The following RARB variants were observed in gnomAD, a reference collection of about 807,000 sequenced individuals.
RARB encodes the protein retinoic acid receptor beta, also known as HBV-activated protein.
In RARB, 17 loss-of-function variants were observed where a neutral mutation model predicts 51.9. The observed-to-expected ratio is 0.33, with a 90% CI of 0.22 to 0.49. The LOEUF (loss-of-function observed/expected upper bound fraction) is 0.49. Among genes scored for constraint, RARB ranks in the 20% least tolerant of loss-of-function variants. RARB has a pLI of 0.99. For missense variants in RARB, 369 were observed against 550.8 expected (o/e 0.67, Z 3.30); for synonymous variants, 215 against 195.4 (o/e 1.10, Z -0.84).
intron 2 of RARB, among the ~76,000 whole-genome samples, chr3:25,483,990 T>G (rs933332162): frequency 6.6e-6 from 1 of 152,240 alleles, no homozygotes; most frequent in African/African-American, 2.4e-5. Context: ...GCAGATGGTA[T>G]GTTGGCAATT....
chr3:25,155,871 C>T (rs563963800), intron 4 of RARB, among the ~76,000 whole-genome samples: 146 of 152,324 alleles, frequency 9.6e-4, no homozygotes, highest in Middle Eastern at 3.4e-3. Flanking sequence ...CATTGGTTCC[C>T]AGCCTTTTTA....
At chr3:25,076,646 G>A (rs1402162090) in intron 3 of RARB, among the ~76,000 whole-genome samples, 1 of 152,130 alleles carries the variant, frequency 6.6e-6, no homozygotes, top group African/African-American at 2.4e-5. Flanking sequence ...TTCTGAGTAA[G>A]TCTTATGATT....
intron 3 of RARB, among the ~76,000 whole-genome samples, chr3:25,095,871 C>T (rs184532699): frequency 6.6e-6 from 1 of 152,258 alleles, no homozygotes; most frequent in Admixed American, 6.5e-5. Context: ...TTCTTAACTG[C>T]CACCTTTTGT....
At chr3:24,979,717 C>G (rs930609081) in intron 2 of RARB, among the ~76,000 whole-genome samples, 1 of 152,016 alleles carries the variant, frequency 6.6e-6, no homozygotes, top group African/African-American at 2.4e-5. Flanking sequence ...AGGGTCTTGA[C>G]TCTTTATCCA....
chr3:25,309,129 A>ATTTTT (rs1171133293), intron 5 of RARB, among the ~76,000 whole-genome samples: 1 of 93,008 alleles, frequency 1.1e-5, no homozygotes. Flanking sequence ...CTGTGCCTCC[A>ATTTTT]TTTTTTTTTT....
intron 5 of RARB, among the ~76,000 whole-genome samples, chr3:25,212,767 G>A (rs551948547): frequency 1.3e-5 from 2 of 151,876 alleles, no homozygotes; most frequent in Admixed American, 1.3e-4. Context: ...TTTTTTGTGA[G>A]TATGAAAAAA....
chr3:24,940,008 C>T (rs1258232184), intron 2 of RARB, among the ~76,000 whole-genome samples: 1 of 152,304 alleles, frequency 6.6e-6, no homozygotes, highest in East Asian at 1.9e-4. Context: ...TGTTCTCACT[C>T]ATTTAAGCAC....
chr3:24,842,388 A>G (rs1030073713), intron 1 of RARB, among the ~76,000 whole-genome samples: 3 of 152,036 alleles, frequency 2.0e-5, no homozygotes, highest in Non-Finnish European at 4.4e-5. Flanking sequence ...ATTATAGAGG[A>G]TTATCTTCTC....
At chr3:25,232,875 T>C (rs1007906122) in intron 5 of RARB, among the ~76,000 whole-genome samples, 10 of 152,134 alleles carry the variant, frequency 6.6e-5, no homozygotes, top group Non-Finnish European at 1.5e-4. Context: ...TTGTGTCCAG[T>C]TGTAAGCTAA....
intron 2 of RARB, among the ~76,000 whole-genome samples, chr3:24,940,714 C>T (rs1286945309): frequency 6.6e-6 from 1 of 152,158 alleles, no homozygotes; most frequent in Non-Finnish European, 1.5e-5. Context: ...ACCATAGACT[C>T]CCATTCTGCT....
chr3:25,131,240 G>A (rs772844475), intron 3 of RARB, among the ~76,000 whole-genome samples: 2 of 151,792 alleles, frequency 1.3e-5, no homozygotes, highest in Non-Finnish European at 2.9e-5. Flanking sequence ...TTAGAGCCAA[G>A]GACAACATGA....
chr3:25,435,962 T>C (rs1229210245), intron 1 of RARB, among the ~76,000 whole-genome samples: 1 of 152,204 alleles, frequency 6.6e-6, no homozygotes, highest in African/African-American at 2.4e-5. Context: ...GCCTAGAAAT[T>C]GAAAGCTGAA....
intron 5 of RARB, among the ~76,000 whole-genome samples, chr3:25,581,189 G>A (rs919135138): frequency 7.2e-5 from 11 of 152,174 alleles, no homozygotes; most frequent in African/African-American, 2.7e-4. Context: ...GTGGGAGTGC[G>A]TTCGTGTGCT....
At chr3:25,199,676 A>G (rs977039033) in intron 5 of RARB, among the ~76,000 whole-genome samples, 6 of 152,068 alleles carry the variant, frequency 3.9e-5, no homozygotes, top group Admixed American at 2.0e-4. Context: ...ATTCCCACCT[A>G]TGAGTGAGAA....
At chr3:25,159,675 T>A (rs1314137464) in intron 4 of RARB, among the ~76,000 whole-genome samples, 1 of 152,152 alleles carries the variant, frequency 6.6e-6, no homozygotes, top group East Asian at 1.9e-4. Flanking sequence ...CTCTTAGTCA[T>A]CTTTTAGAGG....
intron 5 of RARB, among the ~76,000 whole-genome samples, chr3:25,252,222 A>G (rs322715): frequency 0.21 from 31,460 of 152,076 alleles, 3,634 homozygotes; most frequent in African/African-American, 0.31. Context: ...CTATATGTCT[A>G]TTCTTAGCCC....
intron 2 of RARB, among the ~76,000 whole-genome samples, chr3:24,909,896 T>A (rs1391479292): frequency 6.7e-6 from 1 of 150,216 alleles, no homozygotes; most frequent in Non-Finnish European, 1.5e-5. Flanking sequence ...AACATGTCTC[T>A]GTGTGTGTGT....
intron 2 of RARB, among the ~76,000 whole-genome samples, chr3:24,973,208 C>T (rs1460953908): frequency 6.6e-6 from 1 of 152,030 alleles, no homozygotes; most frequent in African/African-American, 2.4e-5. Flanking sequence ...ATTCAATTTT[C>T]CCAGCACCAT....
chr3:25,194,251 G>GAC (rs1283405180), intron 5 of RARB, among the ~76,000 whole-genome samples: 1 of 151,306 alleles, frequency 6.6e-6, no homozygotes, highest in African/African-American at 2.4e-5. Context: ...GTAGGAAGGA[G>GAC]AGAAGGTCAG....
Sources: allele counts gnomAD v4.1 joint callset (sites outside exome capture counted in the v4.1 genomes callset), GRCh38; gene constraint gnomAD v4.1.1; transcripts MANE v1.5; gene names NCBI Gene and HGNC (gene_info 2026-07-23, HGNC 2026-07-21).